The following NCKAP5 variants were observed in gnomAD, a reference collection of about 807,000 sequenced individuals.
NCKAP5 encodes nck-associated protein 5.
In NCKAP5, 92 loss-of-function variants were observed where a neutral mutation model predicts 167.0. The observed-to-expected ratio is 0.55, with a 90% CI of 0.47 to 0.66. The LOEUF is 0.66. NCKAP5 is among the 30% of genes least tolerant of loss of function. NCKAP5 has a pLI of 0.00. For synonymous variants in NCKAP5, 891 were observed against 877.4 expected (o/e 1.02, Z -0.27); for missense variants, 2,378 against 2,315.0 (o/e 1.03, Z -0.56).
At chr2:133,491,578 A>G (rs1216883720) in intron 3 of NCKAP5, among the ~76,000 whole-genome samples, 1 of 152,220 alleles carries the variant, frequency 6.6e-6, no homozygotes, top group Non-Finnish European at 1.5e-5. Context: ...TATTCTTCTG[A>G]TATTCTATAT....
intron 6 of NCKAP5, among the ~76,000 whole-genome samples, chr2:133,025,915 T>C (rs1403875206): frequency 6.6e-6 from 1 of 152,196 alleles, no homozygotes; most frequent in Non-Finnish European, 1.5e-5. Flanking sequence ...GCTGCACTTA[T>C]CAACCCATCA....
intron 9 of NCKAP5, among the ~76,000 whole-genome samples, chr2:132,878,437 A>G (rs917882628): frequency 1.5e-4 from 23 of 152,090 alleles, no homozygotes; most frequent in African/African-American, 5.3e-4. Context: ...CAGAAATGGT[A>G]TCCAACTGGA....
intron 19 of NCKAP5, among the ~76,000 whole-genome samples, chr2:132,703,902 T>C (rs1350122726): frequency 2.0e-5 from 3 of 152,188 alleles, no homozygotes; most frequent in African/African-American, 7.2e-5. Context: ...CATACATGGA[T>C]AACCCCCTGG....
At chr2:133,160,537 A>C (rs1372098582) in intron 5 of NCKAP5, among the ~76,000 whole-genome samples, 1 of 149,278 alleles carries the variant, frequency 6.7e-6, no homozygotes, top group Non-Finnish European at 1.5e-5. Context: ...CCCAGGTCAT[A>C]TTCTGAGGTA....
intron 4 of NCKAP5, among the ~76,000 whole-genome samples, chr2:133,238,954 A>C (rs2087551099): frequency 6.6e-6 from 1 of 152,190 alleles, no homozygotes; most frequent in African/African-American, 2.4e-5. Context: ...TATATCTTCT[A>C]TTCCAGGTTA....
chr2:133,130,406 G>T (rs2082559083), intron 5 of NCKAP5, among the ~76,000 whole-genome samples: 1 of 152,148 alleles, frequency 6.6e-6, no homozygotes, highest in East Asian at 1.9e-4. Context: ...ATCCTGTGAA[G>T]AACTATGACC....
At chr2:133,521,115 G>A (rs527253668) in intron 2 of NCKAP5, among the ~76,000 whole-genome samples, 16 of 152,264 alleles carry the variant, frequency 1.1e-4, no homozygotes, top group Non-Finnish European at 2.2e-4. Context: ...TATCAGAAAG[G>A]CTGAAACATT....
chr2:133,406,898 C>T (rs530607927), intron 3 of NCKAP5, among the ~76,000 whole-genome samples: 1 of 152,346 alleles, frequency 6.6e-6, no homozygotes, highest in Non-Finnish European at 1.5e-5. Flanking sequence ...TTATTCCTAT[C>T]AAACCCAAAC....
chr2:133,381,419 G>T (rs774124744), intron 3 of NCKAP5: 1 of 152,232 alleles, frequency 6.6e-6, no homozygotes, highest in Non-Finnish European at 1.5e-5. Context: ...AAACATGAGT[G>T]ATTTAAGTCC....
At chr2:133,126,395 G>A (rs1235753424) in intron 6 of NCKAP5, among the ~76,000 whole-genome samples, 1 of 152,202 alleles carries the variant, frequency 6.6e-6, no homozygotes, top group Non-Finnish European at 1.5e-5. Context: ...TATATCTGGA[G>A]ATTCCCATGA....
intron 3 of NCKAP5, among the ~76,000 whole-genome samples, chr2:133,328,501 A>G (rs1316030979): frequency 6.6e-6 from 1 of 152,214 alleles, no homozygotes; most frequent in Non-Finnish European, 1.5e-5. Context: ...AGTAACTAAC[A>G]ATTTCTGACT....
At chr2:133,502,239 G>A (rs1682584460) in intron 3 of NCKAP5, among the ~76,000 whole-genome samples, 1 of 152,180 alleles carries the variant, frequency 6.6e-6, no homozygotes, top group African/African-American at 2.4e-5. Context: ...CAGAGATAGG[G>A]AAGAAATGCC....
chr2:133,094,195 G>A (rs1335945280), intron 6 of NCKAP5, among the ~76,000 whole-genome samples: 1 of 152,152 alleles, frequency 6.6e-6, no homozygotes, highest in East Asian at 1.9e-4. Flanking sequence ...GAATTAGACT[G>A]GCACTGTGAA....
chr2:133,108,146 T>C (rs573767834), intron 6 of NCKAP5, among the ~76,000 whole-genome samples: 1 of 152,224 alleles, frequency 6.6e-6, no homozygotes, highest in Non-Finnish European at 1.5e-5. Flanking sequence ...TTCTGATTTA[T>C]AATTAACTAG....
chr2:132,810,629 T>C (rs903118945), intron 11 of NCKAP5, among the ~76,000 whole-genome samples: 8 of 152,200 alleles, frequency 5.3e-5, no homozygotes, highest in Non-Finnish European at 7.3e-5. Flanking sequence ...AATTTTTCGT[T>C]GTTTTTTAAG....
intron 5 of NCKAP5, among the ~76,000 whole-genome samples, chr2:133,132,106 G>T (rs952696817): frequency 2.0e-5 from 3 of 151,932 alleles, no homozygotes; most frequent in Non-Finnish European, 4.4e-5. Flanking sequence ...TGGCCAAGAT[G>T]GTGAAACCCC....
intron 3 of NCKAP5, among the ~76,000 whole-genome samples, chr2:133,411,969 C>T (rs969859226): frequency 5.9e-5 from 9 of 152,318 alleles, no homozygotes; most frequent in Admixed American, 4.6e-4. Flanking sequence ...CACTGTTCCT[C>T]CCTCTAACTC....
intron 5 of NCKAP5, among the ~76,000 whole-genome samples, chr2:133,205,730 T>A (rs867396707): frequency 6.6e-6 from 1 of 152,166 alleles, no homozygotes; most frequent in African/African-American, 2.4e-5. Flanking sequence ...CTTTATGGTA[T>A]TCCATCTTCC....
At chr2:132,700,016 G>A (rs550839514) in intron 19 of NCKAP5, among the ~76,000 whole-genome samples, 3 of 152,216 alleles carry the variant, frequency 2.0e-5, no homozygotes, top group Admixed American at 1.3e-4. Context: ...GTTAATGATC[G>A]CCATTCTAAC....
Sources: gnomAD v4.1 joint callset for allele counts (sites outside exome capture counted in the v4.1 genomes callset) on GRCh38, gnomAD v4.1.1 for gene constraint, MANE v1.5 for transcripts, NCBI Gene and HGNC (gene_info 2026-07-23, HGNC 2026-07-21) for gene names.